MAGI2: variants seen among roughly 807,000 people sequenced by gnomAD.
MAGI2 encodes the protein membrane associated guanylate kinase, WW and PDZ domain containing 2.
Under a neutral mutation model 133.3 loss-of-function variants are expected in MAGI2, and 35 were observed. The ratio of observed to expected loss-of-function variants is 0.26; its 90% CI spans 0.20 to 0.35. MAGI2 has a LOEUF of 0.35. Ranked by LOEUF, MAGI2 falls within the 10% of genes least tolerant of loss-of-function variation. The pLI, the probability that MAGI2 is intolerant of heterozygous loss-of-function variation, is 1.00. For synonymous variants in MAGI2, 729 were observed against 710.6 expected, an observed-to-expected ratio of 1.03 and a Z score of -0.41; for missense variants, 1,636 against 1,863.4, an observed-to-expected ratio of 0.88 and a Z score of 2.25.
chr7:78,124,781 C>G (rs1820805763), intron 20 of MAGI2, among the ~76,000 whole-genome samples: 2 of 151,924 alleles, frequency 1.3e-5, no homozygotes, highest in Admixed American at 1.3e-4. Flanking sequence ...AATCAGTTAC[C>G]CATCAATCAG....
intron 2 of MAGI2, among the ~76,000 whole-genome samples, chr7:78,727,065 T>C (rs1820894030): frequency 1.3e-5 from 2 of 152,210 alleles, no homozygotes; most frequent in African/African-American, 4.8e-5. Flanking sequence ...AGCTTTTTCT[T>C]GTCAGACTGA....
intron 1 of MAGI2, among the ~76,000 whole-genome samples, chr7:79,150,610 A>G (rs186485848): frequency 2.7e-4 from 41 of 152,244 alleles, no homozygotes; most frequent in African/African-American, 8.4e-4. Flanking sequence ...CTTCATTTTG[A>G]TATTTTTGCA....
intron 1 of MAGI2, chr7:79,009,059 G>A (rs940244180): frequency 2.0e-5 from 3 of 151,906 alleles, no homozygotes; most frequent in Admixed American, 1.3e-4. Flanking sequence ...ACCAAGTGAT[G>A]AGATCCTTTC....
At chr7:78,236,111 G>A (rs11771871) in intron 10 of MAGI2, among the ~76,000 whole-genome samples, 2 of 150,522 alleles carry the variant, frequency 1.3e-5, no homozygotes, top group African/African-American at 2.4e-5. Flanking sequence ...GTGGGTTAAT[G>A]TATAGGGTTA....
At chr7:78,682,566 G>A (rs963855919) in intron 2 of MAGI2, among the ~76,000 whole-genome samples, 17 of 152,024 alleles carry the variant, frequency 1.1e-4, no homozygotes, top group Non-Finnish European at 2.5e-4. Flanking sequence ...TTTTTTGTGT[G>A]GCTGCATAGT....
At chr7:78,900,726 ATATT>A (rs893255055) in intron 2 of MAGI2, among the ~76,000 whole-genome samples, 10 of 152,230 alleles carry the variant, frequency 6.6e-5, no homozygotes, top group African/African-American at 2.4e-4. Context: ...ATTATACCAT[ATATT>A]TATTTTTTAA....
rs567441204 is a variant in MAGI2 at position 78,358,119 on chromosome 7, C to T, written c.1103+11037G>A. ...TCGAGGCTGCAGTGAGCAGTGATTG[C>T]GCCACTGCACTCCAGCCTGGGCGAC... is the stretch of plus-strand genomic sequence containing the variant. On this transcript the variant is annotated intron_variant, in intron 7 of 21. Coordinates refer to ENST00000354212, the MANE Select transcript of MAGI2 (RefSeq NM_012301.4). 1.2e-4 allele frequency among the ~76,000 whole-genome samples: 14 copies of T among 121,676 alleles called. No individual in the cohort carries two copies. The East Asian group carries it at 1.7e-3, about 14-fold the overall frequency. 79.8% of individuals were successfully genotyped at this position (121,676 alleles called of 152,430 possible). A position where few individuals can be genotyped will look rare whatever the true frequency, so the allele number is the denominator to read the frequency against.
intron 1 of MAGI2, among the ~76,000 whole-genome samples, chr7:79,279,908 A>G (rs1287176731): frequency 6.6e-6 from 1 of 152,244 alleles, no homozygotes; most frequent in African/African-American, 2.4e-5. Context: ...AAAGATATCA[A>G]CAGTGTCAAA....
At position 78,539,545 on chromosome 7, in the gene MAGI2, C is replaced by T. The variant is rs114463290; in HGVS notation, c.539-17900G>A. 3.7e-3 allele frequency among the ~76,000 whole-genome samples: 560 copies of T among 152,212 alleles called. 7 individuals carry two copies. The highest frequency in any genetic ancestry group is 0.013 in the African/African-American group (537 of 41,552). The stretch of plus-strand genomic sequence containing the variant: ...GGCATTTAATGCTATGAACTTTCCT[C>T]TAAGCACTACTTTTGCTGTATTCCA... On this transcript the variant is annotated intron_variant, in intron 3 of 21. Transcript: ENST00000354212.
At chr7:78,593,383 C>A in intron 3 of MAGI2, among the ~76,000 whole-genome samples, 1 of 152,022 alleles carries the variant, frequency 6.6e-6, no homozygotes, top group Non-Finnish European at 1.5e-5. Flanking sequence ...CAGAGCGAGA[C>A]TCCGTCTCAA....
chr7:79,367,858 CATATAT>C (rs367920302), intron 1 of MAGI2, among the ~76,000 whole-genome samples: 8 of 87,112 alleles, frequency 9.2e-5, no homozygotes, highest in African/African-American at 2.8e-4. Context: ...ATATATGTGA[CATATAT>C]ATATATATAT....
chr7:78,382,686 C>G (rs184370535), intron 6 of MAGI2, among the ~76,000 whole-genome samples: 1 of 152,030 alleles, frequency 6.6e-6, no homozygotes, highest in African/African-American at 2.4e-5. Flanking sequence ...CGTACTCTAT[C>G]GAACACTGAA....
chr7:78,293,699 T>C (rs1030390601), intron 9 of MAGI2, among the ~76,000 whole-genome samples: 65 of 152,116 alleles, frequency 4.3e-4, no homozygotes, highest in Non-Finnish European at 2.2e-4. Flanking sequence ...TGTCCATCAA[T>C]GATAGACTGG....
At chr7:78,195,262 C>T (rs1828616588) in intron 11 of MAGI2, among the ~76,000 whole-genome samples, 199 bp from the exon 12 acceptor site, 1 of 152,122 alleles carries the variant, frequency 6.6e-6, no homozygotes, top group Non-Finnish European at 1.5e-5. Flanking sequence ...ACAAGTGGTG[C>T]CTGACTTTTG....
At chr7:78,500,798 AT>A (rs764856010) in intron 5 of MAGI2, among the ~76,000 whole-genome samples, 1 of 151,908 alleles carries the variant, frequency 6.6e-6, no homozygotes, top group African/African-American at 2.4e-5. Flanking sequence ...TGCTAAAAGC[AT>A]TTTTTTTGGC....
intron 20 of MAGI2, among the ~76,000 whole-genome samples, chr7:78,093,203 A>AT (rs904990849): frequency 1.8e-4 from 28 of 151,512 alleles, no homozygotes; most frequent in African/African-American, 6.5e-4. Flanking sequence ...CACATCCATA[A>AT]TCCCAACACT....
chr7:79,099,296 T>C (rs1229078055), intron 1 of MAGI2, among the ~76,000 whole-genome samples: 2 of 152,082 alleles, frequency 1.3e-5, no homozygotes, highest in East Asian at 3.9e-4. Flanking sequence ...TACAAAGTTC[T>C]AGGATTAAAA....
intron 1 of MAGI2, among the ~76,000 whole-genome samples, chr7:79,357,495 C>G (rs1402360681): frequency 6.6e-6 from 1 of 152,134 alleles, no homozygotes; most frequent in Non-Finnish European, 1.5e-5. Context: ...CTTTAATGTC[C>G]TCTCTTAAGG....
At chr7:78,624,089 G>A (rs762679809) in intron 3 of MAGI2, among the ~76,000 whole-genome samples, 1 of 152,052 alleles carries the variant, frequency 6.6e-6, no homozygotes, top group African/African-American at 2.4e-5. Flanking sequence ...CAGTGATGTT[G>A]AGTTTTTTTC....
Sources: allele counts gnomAD v4.1 joint callset (sites outside exome capture counted in the v4.1 genomes callset), GRCh38; gene constraint gnomAD v4.1.1; transcripts MANE v1.5; gene names NCBI Gene and HGNC (gene_info 2026-07-23, HGNC 2026-07-21).